Variants in HTR1F observed in about 807,000 individuals in gnomAD.
HTR1F encodes 5-hydroxytryptamine (serotonin) receptor 1F, G protein-coupled.
Under a neutral mutation model 24.0 loss-of-function variants are expected in HTR1F, and 17 were observed. The ratio of observed to expected loss-of-function variants is 0.71; its 90% CI spans 0.48 to 1.06. HTR1F has a LOEUF of 1.06. Ranked by LOEUF, HTR1F falls within the 50% of genes least tolerant of loss-of-function variation. The probability of loss-of-function intolerance (pLI) is 0.00; values close to 1 mark genes in which losing one functional copy is unlikely to be tolerated. For missense variants in HTR1F, 391 were observed against 427.8 expected (o/e 0.91, Z 0.76); for synonymous variants, 186 against 156.8 (o/e 1.19, Z -1.39).
At position 87,991,047 on chromosome 3, in the gene HTR1F, C is replaced by T. The variant is rs1351666566; in HGVS notation, c.298C>T (p.Leu100=). 2 of 1,613,860 alleles carry T rather than the reference C, an allele frequency of 1.2e-6. No homozygotes were observed. Among genetic ancestry groups the T allele is most frequent in the Non-Finnish European group, 1.7e-6 (2 of 1,180,016 alleles). ...GGGGCAAGTGGTCTGTGACATTTGG[C>T]TGAGTGTTGACATTACCTGCTGCAC... The part of the protein sequence containing the change: ...IMGQVVCDIW[L]SVDITCCTCS... The change falls in exon 3 of 3, where the codon CTG becomes TTG. Residue 100 remains leucine, a synonymous_variant. Transcript: ENST00000319595.
At position 87,992,963 on chromosome 3, in the gene HTR1F, A is replaced by C; in HGVS notation, c.*1113A>C. On this transcript the variant is annotated 3_prime_UTR_variant, in exon 3 of 3. Coordinates refer to ENST00000319595, the MANE Select transcript of HTR1F (RefSeq NM_001322209.2). ...AATGTACACACATATATATTTTTGT[A>C]ATTAGTCACTCTACTAGTTCAGTGA... 2 of 167,032 alleles carry C rather than the reference A, an allele frequency of 1.2e-5. No homozygotes were observed. 10.3% of individuals were successfully genotyped at this position (167,032 alleles called of 1,614,324 possible). A position where few individuals can be genotyped will look rare whatever the true frequency, so the allele number is the denominator to read the frequency against.
chr3:87,893,007 A>G (rs1353161250), intron 2 of HTR1F, among the ~76,000 whole-genome samples: 1 of 152,112 alleles, frequency 6.6e-6, no homozygotes, highest in African/African-American at 2.4e-5. Flanking sequence ...TAAGTATGAT[A>G]TATTATAGAA....
chr3:87,861,540 C>A (rs556335678), intron 2 of HTR1F, among the ~76,000 whole-genome samples: 15 of 152,164 alleles, frequency 9.9e-5, no homozygotes, highest in African/African-American at 3.6e-4. Context: ...TTGACTTTTA[C>A]CAGAATAGAC....
At chr3:87,837,375 C>T (rs964976002) in intron 2 of HTR1F, among the ~76,000 whole-genome samples, 1 of 152,040 alleles carries the variant, frequency 6.6e-6, no homozygotes, top group Non-Finnish European at 1.5e-5. Flanking sequence ...ACTAGTTTAA[C>T]AGTGCCAACA....
At chr3:87,915,004 G>C (rs73129424) in intron 2 of HTR1F, among the ~76,000 whole-genome samples, 8,720 of 152,170 alleles carry the variant, frequency 0.057, 362 homozygotes, top group Non-Finnish European at 0.089. Context: ...ACCCAAGGAT[G>C]GTTCACATCA....
intron 1 of HTR1F, among the ~76,000 whole-genome samples, chr3:87,811,005 T>A (rs1249242720): frequency 1.3e-5 from 2 of 152,216 alleles, no homozygotes; most frequent in African/African-American, 4.8e-5. Flanking sequence ...CTTGACTTTG[T>A]TTTTATATGC....
At chr3:87,975,936 G>A (rs533023749) in intron 2 of HTR1F, among the ~76,000 whole-genome samples, 1 of 152,260 alleles carries the variant, frequency 6.6e-6, no homozygotes, top group South Asian at 2.1e-4. Flanking sequence ...TCAACTGACA[G>A]CAATTAGCAC....
intron 2 of HTR1F, among the ~76,000 whole-genome samples, chr3:87,969,566 T>C (rs1705242403): frequency 6.6e-6 from 1 of 152,236 alleles, no homozygotes. Flanking sequence ...CCAGTGCCTT[T>C]ACCCCTACTG....
At chr3:87,961,387 A>T (rs1455211235) in intron 2 of HTR1F, among the ~76,000 whole-genome samples, 1 of 152,118 alleles carries the variant, frequency 6.6e-6, no homozygotes, top group Non-Finnish European at 1.5e-5. Context: ...AGAGGTTTTA[A>T]ATTTTGAGAT....
chr3:87,936,929 G>A (rs1704434877), intron 2 of HTR1F, among the ~76,000 whole-genome samples: 1 of 151,826 alleles, frequency 6.6e-6, no homozygotes, highest in Non-Finnish European at 1.5e-5. Context: ...GAACCAAGAA[G>A]AAATTGATTC....
At chr3:87,940,596 T>C (rs1467993676) in intron 2 of HTR1F, among the ~76,000 whole-genome samples, 1 of 152,150 alleles carries the variant, frequency 6.6e-6, no homozygotes, top group African/African-American at 2.4e-5. Context: ...CAAGCTACCA[T>C]TGACTTTCTT....
At chr3:87,892,273 T>C (rs2938268) in intron 2 of HTR1F, among the ~76,000 whole-genome samples, 55,081 of 152,110 alleles carry the variant, frequency 0.36, 14,729 homozygotes, top group African/African-American at 0.76. Flanking sequence ...AAATGGAGTA[T>C]GCTGCAAAAC....
At chr3:87,937,481 C>T (rs1179562539) in intron 2 of HTR1F, among the ~76,000 whole-genome samples, 1 of 152,070 alleles carries the variant, frequency 6.6e-6, no homozygotes, top group African/African-American at 2.4e-5. Flanking sequence ...TAATAACAGC[C>T]ATCTATGACA....
intron 2 of HTR1F, among the ~76,000 whole-genome samples, chr3:87,908,428 T>A (rs1703710474): frequency 6.6e-6 from 1 of 152,042 alleles, no homozygotes; most frequent in Non-Finnish European, 1.5e-5. Flanking sequence ...GAGATTCTGA[T>A]GTGTTTTCTT....
chr3:87,828,306 G>A (rs1256139979), intron 2 of HTR1F, among the ~76,000 whole-genome samples: 1 of 152,118 alleles, frequency 6.6e-6, no homozygotes, highest in Non-Finnish European at 1.5e-5. Context: ...CGTTCGATTA[G>A]TTAAGCACTA....
intron 2 of HTR1F, among the ~76,000 whole-genome samples, chr3:87,839,103 G>A (rs1325943586): frequency 6.8e-6 from 1 of 146,770 alleles, no homozygotes; most frequent in Non-Finnish European, 1.5e-5. Flanking sequence ...TTGATTGCTT[G>A]TGCATTTGGG....
At chr3:87,824,608 A>G in intron 2 of HTR1F, among the ~76,000 whole-genome samples, 1 of 152,226 alleles carries the variant, frequency 6.6e-6, no homozygotes, top group East Asian at 1.9e-4. Context: ...GAAAGAATGA[A>G]TTGATACCCA....
At chr3:87,962,864 A>G (rs1484791637) in intron 2 of HTR1F, among the ~76,000 whole-genome samples, 1 of 151,992 alleles carries the variant, frequency 6.6e-6, no homozygotes, top group Non-Finnish European at 1.5e-5. Context: ...AATGCAGACA[A>G]CCTTCCCCTC....
At chr3:87,816,403 G>A (rs994293651) in intron 1 of HTR1F, among the ~76,000 whole-genome samples, 47 of 152,030 alleles carry the variant, frequency 3.1e-4, no homozygotes, top group African/African-American at 9.6e-4. Context: ...GAGGTCAACC[G>A]GAAGTGGCAA....
Sources: gnomAD v4.1 joint callset for allele counts (sites outside exome capture counted in the v4.1 genomes callset) on GRCh38, gnomAD v4.1.1 for gene constraint, MANE v1.5 for transcripts, NCBI Gene and HGNC (gene_info 2026-07-23, HGNC 2026-07-21) for gene names.